The following PLEKHG1 variants were observed in gnomAD, a reference collection of about 807,000 sequenced individuals.
The protein encoded by PLEKHG1 is pleckstrin homology domain-containing family G member 1.
A neutral mutation model predicts 100.8 loss-of-function variants in PLEKHG1; 44 were observed. That is an observed-to-expected ratio of 0.44 (90% CI 0.34 to 0.56). PLEKHG1 has a LOEUF of 0.56. Ranked by LOEUF, PLEKHG1 falls within the 20% of genes least tolerant of loss-of-function variation. PLEKHG1 has a pLI of 0.01. For missense variants in PLEKHG1, 1,545 were observed against 1,720.9 expected (o/e 0.90, Z 1.81); for synonymous variants, 640 against 662.5 (o/e 0.97, Z 0.52).
intron 10 of PLEKHG1, among the ~76,000 whole-genome samples, chr6:150,813,244 G>C (rs1361479564): frequency 1.3e-5 from 2 of 150,254 alleles, no homozygotes; most frequent in Non-Finnish European, 2.9e-5. Flanking sequence ...GGCGGAGCTT[G>C]CATTGAGCCG....
intron 2 of PLEKHG1, among the ~76,000 whole-genome samples, chr6:150,747,534 T>G (rs965993640): frequency 3.3e-5 from 5 of 152,246 alleles, no homozygotes; most frequent in African/African-American, 1.2e-4. Context: ...TTGTTCTAGA[T>G]AGCAGCTTTC....
At chr6:150,624,708 G>A (rs190132090) in intron 1 of PLEKHG1, 10 of 151,964 alleles carry the variant, frequency 6.6e-5, no homozygotes, top group Admixed American at 3.3e-4. Flanking sequence ...CACCACAGTC[G>A]GCCTCACTTC....
chr6:150,681,558 TAAAA>T (rs2128589288), intron 3 of PLEKHG1, among the ~76,000 whole-genome samples: 1 of 152,158 alleles, frequency 6.6e-6, no homozygotes, highest in Non-Finnish European at 1.5e-5. Context: ...TTTCCCTTCT[TAAAA>T]AAAGAGTTGT....
Position 150,714,904 on chromosome 6 carries a change from G to A in PLEKHG1, c.-98-18680G>A, listed in dbSNP as rs534166826. 3.3e-5 allele frequency among the ~76,000 whole-genome samples: 5 copies of A among 152,004 alleles called. No individual in the cohort carries two copies. In the East Asian group the frequency reaches 9.7e-4, roughly 29 times the overall value. Reference sequence around the variant, plus strand: ...GCTCACTGCAACCTCCACCTCCCAGGTTCAAGTGATTCTCGTGCCTCAGCC... The same window carrying A: ...GCTCACTGCAACCTCCACCTCCCAGATTCAAGTGATTCTCGTGCCTCAGCC... On this transcript the variant is annotated intron_variant, in intron 3 of 3. Coordinates refer to the PLEKHG1 transcript ENST00000367326.
intron 1 of PLEKHG1, among the ~76,000 whole-genome samples, chr6:150,602,908 C>A (rs1008617790): frequency 1.3e-5 from 2 of 151,462 alleles, no homozygotes; most frequent in African/African-American, 4.9e-5. Context: ...GGTGAAACCC[C>A]GTCTCTACTA....
intron 3 of PLEKHG1, among the ~76,000 whole-genome samples, chr6:150,691,556 G>C (rs1051974577): frequency 6.6e-6 from 1 of 152,154 alleles, no homozygotes; most frequent in Non-Finnish European, 1.5e-5. Flanking sequence ...TGTCTGTAGA[G>C]CTGTACACCC....
In PLEKHG1 at chr6:150,652,505, G is replaced by A. The variant is rs987047735; in HGVS notation, c.-99+1719G>A. Among the ~76,000 whole-genome samples, 9 of 151,980 alleles carry A rather than the reference G, an allele frequency of 5.9e-5. No individual in the cohort carries two copies. In the East Asian group the frequency reaches 7.7e-4, roughly 13 times the overall value. On this transcript the variant is annotated intron_variant, in intron 3 of 3. Transcript: ENST00000367326. ...TGGGAGGCCGAGGGGGGTGGATCACGAGGTCAGGAGTTTGAGACCAGCCTG... is the reference window on the plus strand; with the variant it reads ...TGGGAGGCCGAGGGGGGTGGATCACAAGGTCAGGAGTTTGAGACCAGCCTG...
chr6:150,711,453 G>GT (rs774761903), intron 3 of PLEKHG1, among the ~76,000 whole-genome samples: 15 of 152,272 alleles, frequency 9.9e-5, no homozygotes, highest in South Asian at 8.3e-4. Context: ...GATTTCTCTT[G>GT]TATTTTCCTA....
chr6:150,825,981 C>A (rs1404670891), intron 14 of PLEKHG1, among the ~76,000 whole-genome samples: 1 of 151,810 alleles, frequency 6.6e-6, no homozygotes, highest in Admixed American at 6.6e-5. Flanking sequence ...GAGTTTGAGA[C>A]CAGCCTGGCC....
chr6:150,830,893 G>A (rs1242671401), exon 15 of PLEKHG1: 1 of 1,614,060 alleles, frequency 6.2e-7, no homozygotes, highest in African/African-American at 1.3e-5. Flanking sequence ...GACAGATGGA[G>A]TCCACAGAGA....
chr6:150,661,646 G>C (rs1283252916), intron 3 of PLEKHG1, among the ~76,000 whole-genome samples: 1 of 152,282 alleles, frequency 6.6e-6, no homozygotes, highest in East Asian at 1.9e-4. Context: ...ACCATGTTCT[G>C]GAGTGGTTCT....
At chr6:150,665,008 G>A (rs1438795501) in intron 3 of PLEKHG1, among the ~76,000 whole-genome samples, 4 of 152,170 alleles carry the variant, frequency 2.6e-5, no homozygotes, top group Admixed American at 6.5e-5. Context: ...AGCTGCTGGC[G>A]AGGACAGCTG....
intron 1 of PLEKHG1, among the ~76,000 whole-genome samples, chr6:150,729,422 C>A (rs1158070938): frequency 6.6e-6 from 1 of 152,164 alleles, no homozygotes; most frequent in Non-Finnish European, 1.5e-5. Context: ...TGGAGCAACA[C>A]AGCTCTAGAG....
rs1050599754 is a variant in PLEKHG1, at chr6:150,600,606, G to A, written c.-204+589G>A. The stretch of plus-strand genomic sequence containing the variant: ...CCGTTCTGCAGATGCGCTTTTCAGG[G>A]GGTGGGGAGTCAAGAGCCTGTGGCT... On this transcript the variant is annotated intron_variant, in intron 1 of 3. Coordinates refer to the PLEKHG1 transcript ENST00000367326. This position sits in a 1 kb window ranked among gnomAD's most constrained non-coding sequence, Gnocchi z 6.2. Among the ~76,000 whole-genome samples, 2 of 152,224 alleles carry A rather than the reference G, an allele frequency of 1.3e-5. No individual in the cohort carries two copies. The highest frequency in any genetic ancestry group is 4.8e-5 in the African/African-American group (2 of 41,464).
At chr6:150,782,069 T>C (rs373681161) in intron 3 of PLEKHG1, among the ~76,000 whole-genome samples, 139 of 150,944 alleles carry the variant, frequency 9.2e-4, no homozygotes, top group African/African-American at 2.8e-3. Flanking sequence ...TGAACCACCA[T>C]GCCCGGCCTT....
rs142094367 is a variant in PLEKHG1 at position 150,688,596 on chromosome 6, T to C, written c.-99+37810T>C. Among the ~76,000 whole-genome samples the C allele has an allele frequency of 1.3e-3, 194 of 152,268 alleles. 1 individual carries two copies. Among genetic ancestry groups the C allele is most frequent in the African/African-American group, 4.4e-3 (183 of 41,558 alleles). On this transcript the variant is annotated intron_variant, in intron 3 of 3. Transcript: ENST00000367326. ...GTTGGCCTCCCAAAGAGGCCTTCTCTCTTTGGGATTACAGCCATAAGCCAC... is the reference window on the plus strand; with the variant it reads ...GTTGGCCTCCCAAAGAGGCCTTCTCCCTTTGGGATTACAGCCATAAGCCAC...
chr6:150,695,382 G>A (rs1780503375), intron 3 of PLEKHG1, among the ~76,000 whole-genome samples: 2 of 152,092 alleles, frequency 1.3e-5, no homozygotes, highest in Non-Finnish European at 2.9e-5. Context: ...TTAAGATAAG[G>A]GTTTAGAAAA....
intron 1 of PLEKHG1, among the ~76,000 whole-genome samples, chr6:150,615,414 T>C (rs1232636172): frequency 1.3e-5 from 2 of 152,230 alleles, no homozygotes; most frequent in Admixed American, 6.5e-5. Flanking sequence ...TCTGTGGCCC[T>C]ACCCTCAAAT....
chr6:150,628,357 AAG>A (rs1777584735), intron 1 of PLEKHG1, among the ~76,000 whole-genome samples: 1 of 152,148 alleles, frequency 6.6e-6, no homozygotes, highest in Admixed American at 6.5e-5. Context: ...ATAAATTTCA[AAG>A]AGGATGTTGA....
Sources: allele counts gnomAD v4.1 joint callset (sites outside exome capture counted in the v4.1 genomes callset), GRCh38; gene constraint gnomAD v4.1.1; non-coding constraint Gnocchi (gnomAD v3.1); transcripts MANE v1.5; gene names NCBI Gene and HGNC (gene_info 2026-07-23, HGNC 2026-07-21).